CDC20B: variants seen among roughly 807,000 people sequenced by gnomAD.
CDC20B encodes the protein cell division cycle protein 20 homolog B.
CDC20B carries 58 observed loss-of-function variants against 64.1 expected under a neutral mutation model. The ratio of observed to expected loss-of-function variants is 0.90; its 90% CI spans 0.73 to 1.13. The LOEUF is 1.13. CDC20B is among the 50% of genes most tolerant of loss of function. CDC20B has a pLI of 0.00. For synonymous variants in CDC20B, 243 were observed against 230.6 expected (o/e 1.05, Z -0.49); for missense variants, 597 against 633.0 (o/e 0.94, Z 0.61).
intron 2 of CDC20B, among the ~76,000 whole-genome samples, chr5:55,162,134 G>A (rs1237158841): frequency 7.0e-6 from 1 of 143,642 alleles, no homozygotes; most frequent in Admixed American, 7.0e-5. Flanking sequence ...GGTGGCTCAC[G>A]CCTGTAATCC....
intron 11 of CDC20B, among the ~76,000 whole-genome samples, chr5:55,118,636 G>A (rs1286779728): frequency 1.3e-5 from 2 of 152,078 alleles, no homozygotes; most frequent in Non-Finnish European, 2.9e-5. Flanking sequence ...AAAGGTCCAG[G>A]GAATTGCATG....
At chr5:55,125,112 A>C in intron 8 of CDC20B, 84 bp from the exon 9 acceptor site, 1 of 1,113,040 alleles carries the variant, frequency 9.0e-7, no homozygotes, top group Non-Finnish European at 1.3e-6. Context: ...TTCAAAGTAA[A>C]ACTTCTGAAA....
Position 55,143,632 on chromosome 5 carries a change from C to G in CDC20B, c.367G>C (p.Glu123Gln). The G allele has an allele frequency of 6.3e-7, 1 of 1,589,678 alleles. No individual in the cohort carries two copies. The highest frequency in any genetic ancestry group is 8.5e-7 in the Non-Finnish European group (1 of 1,171,350). Residue 123 changes from glutamate to glutamine, a missense_variant, in exon 4 of 12, where the codon GAA becomes CAA. Coordinates refer to ENST00000381375, the MANE Select transcript of CDC20B (RefSeq NM_001170402.1). ...CCTTTGCTGGGGGTCTTCAGTTGTT[C>G]TTTGCGGGATCCTACAAGAAAGACA... ...KETLTLGSRK[E>Q]QLKTPSKGIS...
chr5:55,120,141 A>T (rs191301834), intron 10 of CDC20B, among the ~76,000 whole-genome samples: 36 of 152,312 alleles, frequency 2.4e-4, no homozygotes, highest in Admixed American at 1.2e-3. Flanking sequence ...AATTTAAGTG[A>T]ACTGTGATCA....
At chr5:55,133,084 A>G (rs548940081) in intron 6 of CDC20B, among the ~76,000 whole-genome samples, 2 of 152,304 alleles carry the variant, frequency 1.3e-5, no homozygotes, top group African/African-American at 4.8e-5. Context: ...TGGGCACATA[A>G]CAAGTAGACC....
chr5:55,170,182 A>G (rs1037629295), intron 2 of CDC20B, among the ~76,000 whole-genome samples: 10 of 152,196 alleles, frequency 6.6e-5, no homozygotes, highest in Non-Finnish European at 1.3e-4. Flanking sequence ...ATCTGGGGAC[A>G]CATTGTAGGT....
intron 7 of CDC20B, 122 bp from the exon 8 acceptor site, chr5:55,127,473 C>A (rs1742923212): frequency 5.5e-6 from 4 of 721,612 alleles, no homozygotes; most frequent in Non-Finnish European, 9.6e-6. Context: ...GAAAACCCAG[C>A]ACATCTAGCC....
intron 2 of CDC20B, among the ~76,000 whole-genome samples, chr5:55,154,575 G>T (rs1276871696): frequency 6.6e-6 from 1 of 152,068 alleles, no homozygotes; most frequent in African/African-American, 2.4e-5. Flanking sequence ...TATTTAAAGG[G>T]ATGCAATTTA....
rs774210520 is a variant in CDC20B, at chr5:55,124,827, G to A, written c.1191C>T (p.Val397=). 3.7e-6 allele frequency: 6 copies of A among 1,613,962 alleles called. No homozygotes were observed. Among genetic ancestry groups the A allele is most frequent in the Admixed American group, 1.7e-5 (1 of 60,000 alleles). ...GASAQGQPLK[V]ITQSTAVKAM... ...CCTTGACTGCCGTAGACTGGGTTAT[G>A]ACTTTCAGCGGTTGGCCCTGTGCAC... Residue 397 remains valine (V), a synonymous_variant, in exon 9 of 12, where the codon GTC becomes GTT. Transcript: ENST00000381375.
At chr5:55,169,218 G>T (rs1279640300) in intron 2 of CDC20B, among the ~76,000 whole-genome samples, 1 of 152,156 alleles carries the variant, frequency 6.6e-6, no homozygotes, top group African/African-American at 2.4e-5. Context: ...AAGAGGATGT[G>T]ATTTGAAAGT....
intron 5 of CDC20B, among the ~76,000 whole-genome samples, chr5:55,135,496 T>A (rs1470558250): frequency 1.3e-5 from 2 of 152,224 alleles, no homozygotes; most frequent in Admixed American, 6.5e-5. Flanking sequence ...GTTCACACTC[T>A]CATCCCAACC....
At chr5:55,118,947 A>G (rs1742689301) in intron 11 of CDC20B, among the ~76,000 whole-genome samples, 1 of 152,166 alleles carries the variant, frequency 6.6e-6, no homozygotes, top group South Asian at 2.1e-4. Flanking sequence ...TCCTCTCACA[A>G]AAGTGTAGGC....
At chr5:55,115,410 C>T (rs3105153) in intron 11 of CDC20B, among the ~76,000 whole-genome samples, 148,144 of 152,342 alleles carry the variant, frequency 0.97, 72,067 homozygotes, top group East Asian at 1. Flanking sequence ...GAGGCAACAA[C>T]AGGCAGTACT....
chr5:55,144,788 T>A lies in CDC20B; in HGVS notation c.356-1145A>T, dbSNP rs570932499. ...GTTATATACAAAGAGGTCAGGTCCA[T>A]CAGCCTAAGAAAGAAGGGACCTCTC... On this transcript the variant is annotated intron_variant, in intron 3 of 11. Coordinates refer to ENST00000381375, the MANE Select transcript of CDC20B (RefSeq NM_001170402.1). Among the ~76,000 whole-genome samples the A allele has an allele frequency of 7.2e-5, 11 of 152,272 alleles. No individual in the cohort carries two copies. The South Asian group carries it at 2.1e-3, about 29-fold the overall frequency.
At chr5:55,144,706 A>G (rs920507312) in intron 3 of CDC20B, among the ~76,000 whole-genome samples, 134 of 152,342 alleles carry the variant, frequency 8.8e-4, no homozygotes, top group African/African-American at 3.2e-3. Context: ...CAGCTCTCAG[A>G]ACTTCAAATG....
intron 2 of CDC20B, among the ~76,000 whole-genome samples, chr5:55,147,665 A>C (rs1050211853): frequency 6.6e-6 from 1 of 151,898 alleles, no homozygotes; most frequent in African/African-American, 2.4e-5. Context: ...CCAAAATGCC[A>C]CTACTTACTT....
In CDC20B at chr5:55,128,483, A is replaced by C; in HGVS notation, c.832T>G (p.Ser278Ala). The change falls in exon 7 of 12, where the codon TCT becomes GCT. Residue 278 changes from serine (S) to alanine (A), a missense_variant. Transcript: ENST00000381375. ...GTTCCCTCTTTTATCCAGGACACAGAAGAGATATAGTTACAAGTGAGACTT... is the reference window on the plus strand; with the variant it reads ...GTTCCCTCTTTTATCCAGGACACAGCAGAGATATAGTTACAAGTGAGACTT... The part of the protein sequence containing the change: ...DLSLTCNYIS[S>A]VSWIKEGTCL... 6.2e-7 allele frequency: 1 copy of C among 1,610,888 alleles called. No individual in the cohort carries two copies.
At position 55,128,414 on chromosome 5, in the gene CDC20B, C is replaced by A; in HGVS notation, c.894+7G>T. 6.3e-7 allele frequency: 1 copy of A among 1,581,012 alleles called. No homozygotes were observed. Among genetic ancestry groups the A allele is most frequent in the Non-Finnish European group, 8.5e-7 (1 of 1,170,892 alleles). On this transcript the variant is annotated splice_region_variant and intron_variant, in intron 7 of 11. Transcript: ENST00000381375. ...ACATGATGAGAAAAAAAAAAACTGG[C>A]CAGTACTTGCACTTCTCCCTCGCTG...
chr5:55,120,676 A>T, intron 9 of CDC20B, 126 bp from the exon 10 acceptor site: 1 of 1,124,504 alleles, frequency 8.9e-7, no homozygotes, highest in South Asian at 1.4e-5. Flanking sequence ...TGGGCCTGCT[A>T]TCTAAAGGCA....
Sources: gnomAD v4.1 joint callset for allele counts (sites outside exome capture counted in the v4.1 genomes callset) on GRCh38, gnomAD v4.1.1 for gene constraint, MANE v1.5 for transcripts, NCBI Gene and HGNC (gene_info 2026-07-23, HGNC 2026-07-21) for gene names.